PRUNE2: variants seen among roughly 807,000 people sequenced by gnomAD.
PRUNE2 encodes prune homolog 2 with BCH domain.
A neutral mutation model predicts 252.0 loss-of-function variants in PRUNE2; 164 were observed. The ratio of observed to expected loss-of-function variants is 0.65; its 90% CI spans 0.57 to 0.74. PRUNE2 has a LOEUF of 0.74. Ranked by LOEUF, PRUNE2 falls within the 30% of genes least tolerant of loss-of-function variation. PRUNE2 has a pLI of 0.00. For missense variants in PRUNE2, 3,495 were observed against 3,711.0 expected, an observed-to-expected ratio of 0.94 and a Z score of 1.51; for synonymous variants, 1,292 against 1,350.2, an observed-to-expected ratio of 0.96 and a Z score of 0.94.
rs775411240 is a variant in PRUNE2, at chr9:76,708,010, C to T, written c.4264G>A (p.Asp1422Asn). The change falls in exon 8 of 19, where the codon GAT becomes AAT. Residue 1422 changes from aspartate to asparagine, a missense_variant. Transcript: ENST00000376718. ...SRDVQTGMSA[D>N]NLQPKDTHEK... Reference sequence around the variant, plus strand: ...TGGGTATCTTTTGGCTGCAGGTTATCTGCGGACATCCCTGTTTGCACATCA... The same window carrying T: ...TGGGTATCTTTTGGCTGCAGGTTATTTGCGGACATCCCTGTTTGCACATCA... 1.7e-5 allele frequency: 27 copies of T among 1,613,844 alleles called. No homozygotes were observed. Among genetic ancestry groups the T allele is most frequent in the Non-Finnish European group, 2.1e-5 (25 of 1,179,882 alleles).
chr9:76,839,462 A>C lies in PRUNE2; in HGVS notation c.508+7053T>G, dbSNP rs375184815. ...GGAACGGCTTATGTAAATCATCAAG[A>C]GTGGAAAGAGTTTGGCATATTTGAA... On this transcript the variant is annotated intron_variant, in intron 4 of 18. Transcript: ENST00000376718. Among the ~76,000 whole-genome samples the C allele has an allele frequency of 1.1e-4, 16 of 152,326 alleles. No homozygotes were observed. In the South Asian group the frequency reaches 3.3e-3, roughly 32 times the overall value.
At chr9:76,744,015 G>T (rs978417834) in intron 6 of PRUNE2, among the ~76,000 whole-genome samples, 11 of 152,156 alleles carry the variant, frequency 7.2e-5, no homozygotes, top group Non-Finnish European at 1.3e-4. Flanking sequence ...AAAGAATCTG[G>T]ATAATATGCT....
intron 11 of PRUNE2, among the ~76,000 whole-genome samples, chr9:76,651,760 A>C (rs957661601): frequency 1.3e-5 from 2 of 152,042 alleles, no homozygotes; most frequent in African/African-American, 2.4e-5. Flanking sequence ...CATTTCTCTC[A>C]CTCCCCCTAA....
At chr9:76,661,337 G>A (rs1334145195) in intron 9 of PRUNE2, among the ~76,000 whole-genome samples, 1 of 152,146 alleles carries the variant, frequency 6.6e-6, no homozygotes, top group Non-Finnish European at 1.5e-5. Flanking sequence ...CCACCTCCTG[G>A]GTTTAAGCGA....
chr9:76,756,743 T>C (rs1386430870), intron 6 of PRUNE2, among the ~76,000 whole-genome samples: 2 of 152,156 alleles, frequency 1.3e-5, no homozygotes, highest in Non-Finnish European at 2.9e-5. Context: ...ACCTTTGTCA[T>C]GGAAGCAAAA....
chr9:76,778,483 A>G (rs1299881425), intron 6 of PRUNE2: 2 of 152,246 alleles, frequency 1.3e-5, no homozygotes, highest in African/African-American at 2.4e-5. Context: ...AAACGATGGG[A>G]TGGCCAGAGA....
chr9:76,662,040 A>G (rs2039189793), intron 9 of PRUNE2, among the ~76,000 whole-genome samples: 1 of 152,224 alleles, frequency 6.6e-6, no homozygotes, highest in Non-Finnish European at 1.5e-5. Context: ...CACACGTGTA[A>G]GTAACCAAAC....
intron 1 of PRUNE2, among the ~76,000 whole-genome samples, chr9:76,874,018 G>T (rs1264469389): frequency 6.6e-6 from 1 of 152,176 alleles, no homozygotes; most frequent in Non-Finnish European, 1.5e-5. Context: ...TGTCACTGCA[G>T]TGCTTGCTCA....
At chr9:76,676,115 A>C (rs2042533557) in intron 9 of PRUNE2, among the ~76,000 whole-genome samples, 1 of 151,576 alleles carries the variant, frequency 6.6e-6, no homozygotes, top group South Asian at 2.1e-4. Context: ...TTTTTAATAA[A>C]TTAAAATTAC....
intron 12 of PRUNE2, among the ~76,000 whole-genome samples, chr9:76,643,898 T>G (rs116749952): frequency 0.031 from 4,654 of 152,232 alleles, 251 homozygotes; most frequent in African/African-American, 0.11. Flanking sequence ...CTGTCCTCAT[T>G]AAGGAAGAGA....
intron 6 of PRUNE2, among the ~76,000 whole-genome samples, chr9:76,725,813 G>A (rs564062492): frequency 3.3e-5 from 5 of 152,220 alleles, no homozygotes; most frequent in Non-Finnish European, 7.3e-5. Context: ...ACTTTTGTTT[G>A]GAGATGGCTG....
intron 6 of PRUNE2, among the ~76,000 whole-genome samples, chr9:76,761,836 AGATT>A (rs1194007422): frequency 2.0e-5 from 3 of 152,340 alleles, no homozygotes; most frequent in African/African-American, 7.2e-5. Flanking sequence ...ATTTTGAGAT[AGATT>A]ATTTATAGCT....
intron 1 of PRUNE2, among the ~76,000 whole-genome samples, chr9:76,859,108 T>C (rs1259119516): frequency 1.3e-5 from 2 of 152,116 alleles, no homozygotes; most frequent in Non-Finnish European, 2.9e-5. Context: ...AAATGGAATA[T>C]GATAATGGAT....
intron 1 of PRUNE2, among the ~76,000 whole-genome samples, chr9:76,875,630 C>T (rs977450103): frequency 5.3e-5 from 8 of 152,202 alleles, no homozygotes; most frequent in East Asian, 1.9e-4. Context: ...TCCCAAAGTG[C>T]TGGGATTACA....
At chr9:76,631,951 T>A (rs1466554130) in intron 15 of PRUNE2, among the ~76,000 whole-genome samples, 4 of 152,230 alleles carry the variant, frequency 2.6e-5, no homozygotes, top group Admixed American at 6.5e-5. Flanking sequence ...TCCAGCTCCA[T>A]CCATGTTGTT....
intron 6 of PRUNE2, among the ~76,000 whole-genome samples, chr9:76,775,263 A>G (rs1490856316): frequency 6.6e-6 from 1 of 152,186 alleles, no homozygotes; most frequent in East Asian, 1.9e-4. Context: ...TTGCAATGAC[A>G]AAGAGGAACA....
intron 1 of PRUNE2, among the ~76,000 whole-genome samples, chr9:76,865,088 C>T (rs916082904): frequency 6.6e-6 from 1 of 152,130 alleles, no homozygotes; most frequent in African/African-American, 2.4e-5. Flanking sequence ...CAGGATTCAC[C>T]CAGTTGAAAC....
chr9:76,820,229 C>G (rs778603140), intron 6 of PRUNE2, among the ~76,000 whole-genome samples: 1 of 152,210 alleles, frequency 6.6e-6, no homozygotes, highest in Non-Finnish European at 1.5e-5. Context: ...TCCATTCTGA[C>G]TTCCTGTACT....
chr9:76,757,681 G>A (rs1428877941), intron 6 of PRUNE2, among the ~76,000 whole-genome samples: 2 of 152,232 alleles, frequency 1.3e-5, no homozygotes, highest in Admixed American at 1.3e-4. Flanking sequence ...ATTACAACAG[G>A]CCAGGCATGG....
Sources: gnomAD v4.1 joint callset for allele counts (sites outside exome capture counted in the v4.1 genomes callset) on GRCh38, gnomAD v4.1.1 for gene constraint, MANE v1.5 for transcripts, NCBI Gene and HGNC (gene_info 2026-07-23, HGNC 2026-07-21) for gene names.